Variants in ADGRB3 observed in about 807,000 individuals in gnomAD.
The protein encoded by ADGRB3 is brain-specific angiogenesis inhibitor 3.
Under a neutral mutation model 193.4 loss-of-function variants are expected in ADGRB3, and 37 were observed. That is an observed-to-expected ratio of 0.19 (90% CI 0.15 to 0.25). ADGRB3 has a LOEUF of 0.25. ADGRB3 is among the 10% of genes least tolerant of loss of function. The pLI is 1.00. For synonymous variants in ADGRB3, 690 were observed against 644.2 expected (o/e 1.07, Z -1.08); for missense variants, 1,637 against 1,852.9 (o/e 0.88, Z 2.14).
At chr6:68,937,225 AAGAG>A (rs59088683) in intron 5 of ADGRB3, among the ~76,000 whole-genome samples, 1,891 of 149,602 alleles carry the variant, frequency 0.013, 24 homozygotes, top group African/African-American at 0.04. Context: ...AAACTTAATG[AAGAG>A]AGAGAGAGAG....
intron 15 of ADGRB3, among the ~76,000 whole-genome samples, chr6:69,051,210 T>C (rs889400523): frequency 6.6e-6 from 1 of 152,164 alleles, no homozygotes. Flanking sequence ...ATGGATATAG[T>C]AGAGACTAGT....
chr6:68,737,617 G>A (rs144253208), intron 3 of ADGRB3, among the ~76,000 whole-genome samples: 12 of 152,154 alleles, frequency 7.9e-5, no homozygotes, highest in African/African-American at 2.9e-4. Context: ...ACCCAAGATT[G>A]GAAAGTGGGT....
chr6:68,933,451 G>A (rs549233620), intron 4 of ADGRB3, among the ~76,000 whole-genome samples: 1 of 152,162 alleles, frequency 6.6e-6, no homozygotes, highest in East Asian at 1.9e-4. Context: ...AAATTAGCTG[G>A]GTGTGGTGGC....
At chr6:69,063,752 C>G (rs755092659) in intron 16 of ADGRB3, among the ~76,000 whole-genome samples, 5 of 151,786 alleles carry the variant, frequency 3.3e-5, no homozygotes, top group African/African-American at 4.8e-5. Flanking sequence ...AGCTGAAATG[C>G]TTCAGATTTT....
chr6:68,754,590 C>A (rs1766264220), intron 3 of ADGRB3, among the ~76,000 whole-genome samples: 1 of 151,914 alleles, frequency 6.6e-6, no homozygotes, highest in Admixed American at 6.6e-5. Context: ...TGTTCATTAC[C>A]AGGTGTTCTC....
chr6:69,304,293 G>A (rs552709624), intron 20 of ADGRB3, among the ~76,000 whole-genome samples: 1 of 149,300 alleles, frequency 6.7e-6, no homozygotes, highest in East Asian at 1.9e-4. Flanking sequence ...GTTTCCTACA[G>A]CCTTAGAATT....
chr6:69,325,974 CG>C (rs1419118235), intron 21 of ADGRB3, among the ~76,000 whole-genome samples: 1 of 152,066 alleles, frequency 6.6e-6, no homozygotes, highest in Non-Finnish European at 1.5e-5. Context: ...GAAACCAAGG[CG>C]GGTGGACTAC....
chr6:68,936,388 GT>G (rs1767486884), intron 4 of ADGRB3, 130 bp from the exon 5 acceptor site: 1 of 969,468 alleles, frequency 1.0e-6, no homozygotes, highest in South Asian at 1.8e-5. Context: ...ATGTTTTCAT[GT>G]ACCTTTTGAT....
chr6:68,928,499 C>T lies in ADGRB3; in HGVS notation c.758-2060C>T, dbSNP rs138844294. 2.8e-3 allele frequency among the ~76,000 whole-genome samples: 420 copies of T among 152,282 alleles called. 3 individuals are homozygous for T. The highest frequency in any genetic ancestry group is 9.5e-3 in the African/African-American group (394 of 41,580). ...ACAGTGAGCTATGATTGCACCACTGCACTTCAGCCTGGGTGACAGACCAAG... is the reference window on the plus strand; with the variant it reads ...ACAGTGAGCTATGATTGCACCACTGTACTTCAGCCTGGGTGACAGACCAAG... On this transcript the variant is annotated intron_variant, in intron 3 of 31. Transcript: ENST00000370598.
chr6:68,768,194 A>G (rs1411367314), intron 3 of ADGRB3, among the ~76,000 whole-genome samples: 1 of 152,202 alleles, frequency 6.6e-6, no homozygotes, highest in Non-Finnish European at 1.5e-5. Context: ...AGTCTACTTT[A>G]AATTTCATAT....
intron 17 of ADGRB3, among the ~76,000 whole-genome samples, chr6:69,169,760 C>T (rs1379739132): frequency 6.6e-6 from 1 of 152,092 alleles, no homozygotes; most frequent in Non-Finnish European, 1.5e-5. Flanking sequence ...TTTAAGTGCT[C>T]AGGAATATTC....
intron 11 of ADGRB3, among the ~76,000 whole-genome samples, chr6:69,011,253 C>T (rs1034700779): frequency 8.6e-5 from 13 of 151,268 alleles, no homozygotes; most frequent in Non-Finnish European, 8.8e-5. Flanking sequence ...AAAGCTGAGG[C>T]GCAAAATGTG....
At chr6:68,741,443 T>C (rs2127341414) in intron 3 of ADGRB3, among the ~76,000 whole-genome samples, 1 of 152,230 alleles carries the variant, frequency 6.6e-6, no homozygotes. Flanking sequence ...AGTGCTGTGA[T>C]CATGCCATCA....
chr6:68,866,898 C>T (rs924710319), intron 3 of ADGRB3, among the ~76,000 whole-genome samples: 7 of 152,184 alleles, frequency 4.6e-5, no homozygotes, highest in Admixed American at 2.0e-4. Context: ...TGTAATATGG[C>T]TGCTCCTAAT....
intron 31 of ADGRB3, among the ~76,000 whole-genome samples, chr6:69,387,075 T>C (rs1336277647): frequency 6.6e-6 from 1 of 152,090 alleles, no homozygotes; most frequent in Non-Finnish European, 1.5e-5. Context: ...GCCCACAATA[T>C]AAAGCATATC....
chr6:69,046,821 A>G (rs949699668), intron 13 of ADGRB3, among the ~76,000 whole-genome samples: 1 of 152,194 alleles, frequency 6.6e-6, no homozygotes, highest in Non-Finnish European at 1.5e-5. Context: ...TTTAAATTAC[A>G]AATTTTTAAA....
At position 69,235,145 on chromosome 6, in the gene ADGRB3, C is replaced by A; in HGVS notation, c.2711+10C>A. On this transcript the variant is annotated intron_variant, in intron 19 of 31. Coordinates refer to ENST00000370598, the MANE Select transcript of ADGRB3 (RefSeq NM_001704.3). ...ATGCAGCATTATGGAGGTAAGTAATCAATTGATAGACCTGAAATGCAATGC... is the reference window on the plus strand; with the variant it reads ...ATGCAGCATTATGGAGGTAAGTAATAAATTGATAGACCTGAAATGCAATGC... 6.4e-7 allele frequency: 1 copy of A among 1,561,034 alleles called. No homozygotes were observed. The highest frequency in any genetic ancestry group is 8.8e-7 in the Non-Finnish European group (1 of 1,134,154).
chr6:68,907,371 G>A (rs1766577910), intron 3 of ADGRB3, among the ~76,000 whole-genome samples: 1 of 151,576 alleles, frequency 6.6e-6, no homozygotes, highest in Non-Finnish European at 1.5e-5. Context: ...ATTGTTTGTT[G>A]TATAAATTCT....
chr6:69,213,071 T>C (rs1765700221), intron 17 of ADGRB3, among the ~76,000 whole-genome samples: 1 of 152,200 alleles, frequency 6.6e-6, no homozygotes. Flanking sequence ...GTATTCATTT[T>C]ATAAAGACAT....
Sources: allele counts gnomAD v4.1 joint callset (sites outside exome capture counted in the v4.1 genomes callset), GRCh38; gene constraint gnomAD v4.1.1; transcripts MANE v1.5; gene names NCBI Gene and HGNC (gene_info 2026-07-23, HGNC 2026-07-21).